Variants in PARD3B observed in about 807,000 individuals in gnomAD.
PARD3B encodes the protein par-3 family cell polarity regulator beta.
A neutral mutation model predicts 130.2 loss-of-function variants in PARD3B; 103 were observed. The observed-to-expected ratio is 0.79, with a 90% confidence interval of 0.67 to 0.93. PARD3B has a LOEUF of 0.93. Among genes scored for constraint, PARD3B ranks in the 40% least tolerant of loss-of-function variants. The pLI is 0.00. For synonymous variants in PARD3B, 583 were observed against 553.2 expected (o/e 1.05, Z -0.76); for missense variants, 1,609 against 1,499.2 (o/e 1.07, Z -1.21).
At chr2:204,697,063 C>A (rs946635598) in intron 2 of PARD3B, among the ~76,000 whole-genome samples, 6 of 152,072 alleles carry the variant, frequency 3.9e-5, no homozygotes, top group African/African-American at 7.2e-5. Flanking sequence ...AATAGCCTAA[C>A]AATCTTAAAT....
At chr2:204,778,972 C>G (rs1411368955) in intron 2 of PARD3B, among the ~76,000 whole-genome samples, 1 of 152,174 alleles carries the variant, frequency 6.6e-6, no homozygotes, top group Non-Finnish European at 1.5e-5. Flanking sequence ...GCACTGCCTG[C>G]CGCCTCAGCC....
At position 204,745,426 on chromosome 2, in the gene PARD3B, G is replaced by A. The variant is rs560023284; in HGVS notation, c.222+59144G>A. 8.7e-5 allele frequency among the ~76,000 whole-genome samples: 13 copies of A among 149,378 alleles called. 1 individual carries two copies. The highest frequency in any genetic ancestry group is 6.3e-4 in the South Asian group (3 of 4,726). On this transcript the variant is annotated intron_variant, in intron 2 of 22. Transcript: ENST00000406610. Reference sequence around the variant, plus strand: ...TACTACCTTTTTTTTTTTTTGTTACGGAGTTTTGCTCTGTCACCTGGGCTG... The same window carrying A: ...TACTACCTTTTTTTTTTTTTGTTACAGAGTTTTGCTCTGTCACCTGGGCTG...
intron 2 of PARD3B, among the ~76,000 whole-genome samples, chr2:204,778,834 T>C (rs1301519016): frequency 6.6e-5 from 10 of 152,166 alleles, no homozygotes; most frequent in Non-Finnish European, 1.0e-4. Context: ...CTCCTATGAC[T>C]GTGCCAGTCA....
chr2:204,934,520 A>G (rs1442631794), intron 2 of PARD3B, among the ~76,000 whole-genome samples: 1 of 152,224 alleles, frequency 6.6e-6, no homozygotes, highest in Non-Finnish European at 1.5e-5. Context: ...AATTACACTC[A>G]GTGACGTGTC....
chr2:205,322,612 C>T (rs1322944786), intron 18 of PARD3B, among the ~76,000 whole-genome samples: 1 of 152,108 alleles, frequency 6.6e-6, no homozygotes, highest in African/African-American at 2.4e-5. Flanking sequence ...TGAATTTGTC[C>T]ATATAGCTAA....
intron 1 of PARD3B, among the ~76,000 whole-genome samples, chr2:204,666,870 GATGAGCTT>G (rs903415161): frequency 1.3e-5 from 2 of 152,166 alleles, no homozygotes; most frequent in African/African-American, 4.8e-5. Context: ...CCTAGCGGTA[GATGAGCTT>G]ACTGGAGAGA....
chr2:204,639,624 G>A (rs2035004507), intron 1 of PARD3B, among the ~76,000 whole-genome samples: 1 of 152,144 alleles, frequency 6.6e-6, no homozygotes, highest in Non-Finnish European at 1.5e-5. Context: ...GTAATCTAGA[G>A]ATGATTTAAA....
chr2:204,627,975 G>T (rs1045873093), intron 1 of PARD3B, among the ~76,000 whole-genome samples: 1 of 90,350 alleles, frequency 1.1e-5, no homozygotes, highest in Non-Finnish European at 2.6e-5. Flanking sequence ...AACACTATGA[G>T]TTTTTTTGCG....
At position 205,553,413 on chromosome 2, in the gene PARD3B, G is replaced by A. The variant is rs766795465; in HGVS notation, c.3260+10G>A. The A allele has an allele frequency of 5.4e-5, 87 of 1,611,790 alleles. No homozygotes were observed. Among genetic ancestry groups the A allele is most frequent in the Middle Eastern group, 1.6e-4 (1 of 6,074 alleles). ...ACGCATCCTTACCCAGGTAGATCAC[G>A]GAGAGGTCTCCCATCTCCAGCTCAC... On this transcript the variant is annotated intron_variant, in intron 22 of 22. Transcript: ENST00000406610.
chr2:205,172,506 G>A (rs1370109468), intron 12 of PARD3B, 125 bp downstream of exon 12: 2 of 951,482 alleles, frequency 2.1e-6, no homozygotes, highest in African/African-American at 3.3e-5. Flanking sequence ...GCTTTGATGG[G>A]AAACAGGTGG....
rs1051869791 is a variant in PARD3B at position 204,837,111 on chromosome 2, T to A, written c.223-128041T>A. On this transcript the variant is annotated intron_variant, in intron 2 of 22. Transcript: ENST00000406610. ...TCCAGTGGGGTATGATTGGACCCCCTGATGTGTCATACTTTCACGTGAATT... is the reference window on the plus strand; with the variant it reads ...TCCAGTGGGGTATGATTGGACCCCCAGATGTGTCATACTTTCACGTGAATT... Among the ~76,000 whole-genome samples, 12 of 150,854 alleles carry A rather than the reference T, an allele frequency of 8.0e-5. No individual in the cohort carries two copies. In the South Asian group the frequency reaches 2.5e-3, roughly 31 times the overall value.
intron 1 of PARD3B, among the ~76,000 whole-genome samples, chr2:204,665,701 C>T (rs779048898): frequency 1.3e-5 from 2 of 152,154 alleles, no homozygotes; most frequent in African/African-American, 4.8e-5. Flanking sequence ...ATGACACAGT[C>T]TGTGACCTCT....
intron 2 of PARD3B, among the ~76,000 whole-genome samples, chr2:204,776,853 C>T (rs973977948): frequency 6.6e-6 from 1 of 151,670 alleles, no homozygotes; most frequent in Admixed American, 6.6e-5. Flanking sequence ...GTTAAATATG[C>T]CTGGGCCATG....
At chr2:204,645,213 C>T (rs1201101564) in intron 1 of PARD3B, among the ~76,000 whole-genome samples, 1 of 152,082 alleles carries the variant, frequency 6.6e-6, no homozygotes, top group Non-Finnish European at 1.5e-5. Context: ...ATGGTATTTA[C>T]TTAACTATAT....
At chr2:205,335,420 CTG>C (rs1468695467) in intron 18 of PARD3B, among the ~76,000 whole-genome samples, 2 of 152,174 alleles carry the variant, frequency 1.3e-5, no homozygotes, top group Non-Finnish European at 2.9e-5. Flanking sequence ...AGTCTCTTTT[CTG>C]TGTGTGTCTA....
Position 205,269,344 on chromosome 2 carries a change from CT to C in PARD3B, c.2185+23523del, listed in dbSNP as rs1415144599. ...TATAATTAAATAGACTTATTTCAAA[CT>C]GTTTCCCAATTTCAATTTATTCATC... On this transcript the variant is annotated intron_variant, in intron 16 of 22. Transcript: ENST00000406610. This position sits in a 1 kb window ranked among gnomAD's most constrained non-coding sequence, Gnocchi z 4.7. Among the ~76,000 whole-genome samples the C allele has an allele frequency of 6.6e-6, 1 of 152,118 alleles. No homozygotes were observed. The highest frequency in any genetic ancestry group is 6.5e-5 in the Admixed American group (1 of 15,270).
Position 204,965,236 on chromosome 2 carries a change from G to C in PARD3B, c.307G>C (p.Ala103Pro). 1 of 1,613,954 alleles carries C rather than the reference G, an allele frequency of 6.2e-7. No individual in the cohort carries two copies. The highest frequency in any genetic ancestry group is 8.5e-7 in the Non-Finnish European group (1 of 1,179,908). ...GNPADRQSPD[A>P]FETEVAAQLA... ...CCCTGCAGATCGGCAGAGCCCAGAT[G>C]CTTTTGAGACAGAAGTGGCCGCCCA... is the stretch of plus-strand genomic sequence containing the variant. Residue 103 changes from alanine to proline, a missense_variant, in exon 3 of 23, where the codon GCT (alanine) becomes CCT (proline). Transcript: ENST00000406610.
rs190848468 is a variant in PARD3B at position 204,887,559 on chromosome 2, C to T, written c.223-77593C>T. ...AGGTGTTTTTATTTTTTAAAAAGAACGAAGAGATGGCAAACTAACCTATAA... is the reference window on the plus strand; with the variant it reads ...AGGTGTTTTTATTTTTTAAAAAGAATGAAGAGATGGCAAACTAACCTATAA... On this transcript the variant is annotated intron_variant, in intron 2 of 22. Transcript: ENST00000406610. This position sits in a 1 kb window ranked among gnomAD's most constrained non-coding sequence, Gnocchi z 4.2. Among the ~76,000 whole-genome samples the T allele has an allele frequency of 1.8e-4, 28 of 152,114 alleles. No individual in the cohort carries two copies. The highest frequency in any genetic ancestry group is 9.7e-4 in the East Asian group (5 of 5,174).
intron 18 of PARD3B, among the ~76,000 whole-genome samples, chr2:205,313,507 T>G (rs956509883): frequency 1.3e-5 from 2 of 152,216 alleles, no homozygotes; most frequent in Non-Finnish European, 1.5e-5. Context: ...TCCTACCCTA[T>G]GTAATCTTGA....
Sources: allele counts gnomAD v4.1 joint callset (sites outside exome capture counted in the v4.1 genomes callset), GRCh38; gene constraint gnomAD v4.1.1; non-coding constraint Gnocchi (gnomAD v3.1); transcripts MANE v1.5; gene names NCBI Gene and HGNC (gene_info 2026-07-23, HGNC 2026-07-21).